ISY1: variants seen among roughly 807,000 people sequenced by gnomAD.
ISY1 encodes ISY1 spliceosome associated protein, also known as pre-mRNA-splicing factor ISY1 homolog.
A neutral mutation model predicts 54.4 loss-of-function variants in ISY1; 12 were observed. The ratio of observed to expected loss-of-function variants is 0.22; its 90% confidence interval spans 0.14 to 0.36. The LOEUF is 0.36. Among genes scored for constraint, ISY1 ranks in the 10% least tolerant of loss-of-function variants. The pLI, the probability that ISY1 is intolerant of heterozygous loss-of-function variation, is 1.00. For synonymous variants in ISY1, 96 were observed against 117.9 expected, an observed-to-expected ratio of 0.81 and a Z score of 1.20; for missense variants, 282 against 342.2, an observed-to-expected ratio of 0.82 and a Z score of 1.39.
chr3:129,128,209 TG>T lies in ISY1; in HGVS notation c.*1871del. ...CCACCTGCAGGCCCAAGCTGGGTGC[TG>T]GGTCCCAGAGGCGAGTCTGCCTTGC... On this transcript the variant is annotated 3_prime_UTR_variant, in exon 11 of 11. Transcript: ENST00000393295. 1 of 153,258 alleles carries T rather than the reference TG, an allele frequency of 6.5e-6. No individual in the cohort carries two copies. Among genetic ancestry groups the T allele is most frequent in the Non-Finnish European group, 1.5e-5 (1 of 68,676 alleles). 9.5% of individuals were successfully genotyped at this position (153,258 alleles called of 1,614,324 possible).
At chr3:129,151,901 G>A (rs1936983079) in intron 5 of ISY1, among the ~76,000 whole-genome samples, 2 of 152,074 alleles carry the variant, frequency 1.3e-5, no homozygotes, top group African/African-American at 4.8e-5. Flanking sequence ...GCTCATGCCT[G>A]TAATCCCAGC....
intron 8 of ISY1, 76 bp downstream of exon 8, chr3:129,134,756 T>G: frequency 6.7e-7 from 1 of 1,503,474 alleles, no homozygotes; most frequent in Non-Finnish European, 8.9e-7. Context: ...TAAAGCACTA[T>G]TGAAAATCCT....
chr3:129,159,101 T>C (rs1014654672), intron 2 of ISY1, 53 bp downstream of exon 2: 6 of 1,592,972 alleles, frequency 3.8e-6, no homozygotes, highest in African/African-American at 1.4e-5. Flanking sequence ...AAGAGTTACA[T>C]GGTGGTTTTT....
rs1937297949 is a variant in ISY1, at chr3:129,161,017, T to C, written c.-42A>G. 1.3e-6 allele frequency: 2 copies of C among 1,487,908 alleles called. No homozygotes were observed. Among genetic ancestry groups the C allele is most frequent in the Non-Finnish European group, 1.8e-6 (2 of 1,107,434 alleles). 92.2% of individuals were successfully genotyped at this position (1,487,908 alleles called of 1,614,324 possible). On this transcript the variant is annotated 5_prime_UTR_variant, in exon 1 of 11. Transcript: ENST00000393295. Reference sequence around the variant, plus strand: ...CCGTCCTGGAGCCCCGCGGCCCCTGTCCAAGAAACTCCACAGGCCCAGAAG... The same window carrying C: ...CCGTCCTGGAGCCCCGCGGCCCCTGCCCAAGAAACTCCACAGGCCCAGAAG...
intron 5 of ISY1, among the ~76,000 whole-genome samples, chr3:129,147,647 T>C (rs1182424942): frequency 6.6e-6 from 1 of 152,122 alleles, no homozygotes; most frequent in Non-Finnish European, 1.5e-5. Context: ...AATCTACATA[T>C]AAAAACAATA....
At chr3:129,150,266 G>A (rs916530061) in intron 5 of ISY1, among the ~76,000 whole-genome samples, 2 of 152,112 alleles carry the variant, frequency 1.3e-5, no homozygotes, top group South Asian at 2.1e-4. Flanking sequence ...GTGATATATT[G>A]GAAGAGAGAA....
chr3:129,159,415 T>G (rs756054085), intron 1 of ISY1, among the ~76,000 whole-genome samples: 2 of 152,176 alleles, frequency 1.3e-5, no homozygotes, highest in Non-Finnish European at 2.9e-5. Context: ...TCTGGCTAAC[T>G]TGCATTATTC....
intron 5 of ISY1, among the ~76,000 whole-genome samples, chr3:129,149,427 CAAAAAAAAAAA>C (rs767849123): frequency 5.4e-4 from 13 of 24,216 alleles, no homozygotes; most frequent in African/African-American, 1.5e-3. Context: ...AACTCTATCT[CAAAAAAAAAAA>C]AAAAAAAAAA....
rs760148915 is a variant in ISY1 at position 129,156,680 on chromosome 3, TA to T, written c.145-6del. ...TTTAGAGATCTCTCCAATGATCTAT[TA>T]AAAAAAAGTAATACATTTTAATAAT... On this transcript the variant is annotated splice_polypyrimidine_tract_variant and splice_region_variant and intron_variant, in intron 4 of 10. Coordinates refer to ENST00000393295, the MANE Select transcript of ISY1 (RefSeq NM_020701.4). 8.1e-5 allele frequency: 129 copies of T among 1,599,106 alleles called. No individual in the cohort carries two copies. Among genetic ancestry groups the T allele is most frequent in the South Asian group, 2.6e-4 (23 of 87,038 alleles).
chr3:129,157,922 G>A (rs958195433), intron 3 of ISY1, among the ~76,000 whole-genome samples: 4 of 151,908 alleles, frequency 2.6e-5, no homozygotes, highest in South Asian at 2.1e-4. Context: ...GTGCAGCAGC[G>A]CGCTCTCGGT....
chr3:129,154,439 CAAAAAA>C (rs58548903), intron 5 of ISY1, among the ~76,000 whole-genome samples: 1 of 33,410 alleles, frequency 3.0e-5, no homozygotes. Context: ...GACTCCATCT[CAAAAAA>C]AAAAAAAAAA....
chr3:129,150,392 G>C (rs1293789135), intron 5 of ISY1, among the ~76,000 whole-genome samples: 1 of 152,178 alleles, frequency 6.6e-6, no homozygotes, highest in Non-Finnish European at 1.5e-5. Flanking sequence ...TCAGCATACA[G>C]ATCCTGACTG....
intron 8 of ISY1, 140 bp downstream of exon 8, chr3:129,134,692 A>G (rs1936338425): frequency 8.3e-7 from 1 of 1,209,402 alleles, no homozygotes; most frequent in Non-Finnish European, 1.1e-6. Context: ...TCAGGGAATT[A>G]GCAGACCATC....
At chr3:129,155,879 G>A (rs1053540316) in intron 5 of ISY1, among the ~76,000 whole-genome samples, 5 of 151,904 alleles carry the variant, frequency 3.3e-5, no homozygotes, top group Admixed American at 2.0e-4. Flanking sequence ...GCGCTACCAC[G>A]TCCAGCCAAT....
chr3:129,130,075 TG>T lies in ISY1; in HGVS notation c.*5del. 6.3e-7 allele frequency: 1 copy of T among 1,582,730 alleles called. No homozygotes were observed. Among genetic ancestry groups the T allele is most frequent in the Non-Finnish European group, 8.6e-7 (1 of 1,167,944 alleles). On this transcript the variant is annotated 3_prime_UTR_variant, in exon 11 of 11. Transcript: ENST00000393295. ...GAAGAACTCCAAGGAGAGCCCCAGCTGGGTCCTAATACCCCAGGAGCCTTCT... is the reference window on the plus strand; with the variant it reads ...GAAGAACTCCAAGGAGAGCCCCAGCTGGTCCTAATACCCCAGGAGCCTTCT...
In ISY1 at chr3:129,127,738, C is replaced by T. The variant is rs1936128722; in HGVS notation, c.*2343G>A. 6.6e-6 allele frequency: 1 copy of T among 152,402 alleles called. No individual in the cohort carries two copies. The highest frequency in any genetic ancestry group is 1.5e-5 in the Non-Finnish European group (1 of 68,144). The allele number at this position is 152,402 out of a possible 1,614,324, so 9.4% of individuals were successfully genotyped here. ...CCTGGCCAGTTTGCATCCCGGGGAT[C>T]CCTGAAGAGATCCCAGGAGGGGAGT... On this transcript the variant is annotated 3_prime_UTR_variant, in exon 11 of 11. Transcript: ENST00000393295.
Position 129,140,979 on chromosome 3 carries a change from C to T in ISY1, c.301-494G>A, listed in dbSNP as rs1026778613. Among the ~76,000 whole-genome samples, 36 of 150,568 alleles carry T rather than the reference C, an allele frequency of 2.4e-4. 3 individuals are homozygous for T. Among genetic ancestry groups the T allele is most frequent in the East Asian group, 6.0e-4 (3 of 5,008 alleles). On this transcript the variant is annotated intron_variant, in intron 6 of 10. Transcript: ENST00000393295. ...TAGCACTTTGGGAGGCCAAGGTAGG[C>T]GATCACTTCAGCTTAGGAGTTCAAG...
At chr3:129,137,952 G>C (rs956040640) in intron 7 of ISY1, among the ~76,000 whole-genome samples, 2 of 146,944 alleles carry the variant, frequency 1.4e-5, no homozygotes, top group Non-Finnish European at 3.0e-5. Flanking sequence ...GACCACCCTG[G>C]CCAACATAGG....
At chr3:129,158,380 A>G (rs1400832352) in intron 3 of ISY1, 128 bp downstream of exon 3, 9 of 1,320,188 alleles carry the variant, frequency 6.8e-6, no homozygotes, top group Non-Finnish European at 9.5e-6. Context: ...ACTGGTCTCA[A>G]ACTCCTAGAC....
Sources: gnomAD v4.1 joint callset for allele counts (sites outside exome capture counted in the v4.1 genomes callset) on GRCh38, gnomAD v4.1.1 for gene constraint, MANE v1.5 for transcripts, NCBI Gene and HGNC (gene_info 2026-07-23, HGNC 2026-07-21) for gene names.